The following HDAC9 variants were observed in gnomAD, a reference collection of about 807,000 sequenced individuals.
HDAC9 encodes the protein MEF-2 interacting transcription repressor (MITR) protein.
HDAC9 carries 41 observed loss-of-function variants against 139.4 expected under a neutral mutation model. The observed-to-expected ratio is 0.29, with a 90% CI of 0.23 to 0.38. HDAC9 has a LOEUF of 0.38. Ranked by LOEUF, HDAC9 falls within the 10% of genes least tolerant of loss-of-function variation. The pLI is 1.00. For synonymous variants in HDAC9, 517 were observed against 476.2 expected (o/e 1.09, Z -1.12); for missense variants, 1,147 against 1,297.0 (o/e 0.88, Z 1.78).
chr7:18,667,699 GA>G (rs1177630181), intron 12 of HDAC9: 2 of 984,630 alleles, frequency 2.0e-6, no homozygotes, highest in Non-Finnish European at 2.4e-6. Flanking sequence ...AGGAATGTAG[GA>G]AAAAAAATCT....
At chr7:18,760,081 G>T (rs187182668) in intron 14 of HDAC9, among the ~76,000 whole-genome samples, 1 of 152,146 alleles carries the variant, frequency 6.6e-6, no homozygotes, top group Non-Finnish European at 1.5e-5. Context: ...ATGTTTCACT[G>T]TATCAGCATA....
chr7:18,193,326 T>G (rs1790490238), intron 2 of HDAC9, among the ~76,000 whole-genome samples: 1 of 152,204 alleles, frequency 6.6e-6, no homozygotes, highest in South Asian at 2.1e-4. Context: ...TACCATTTGT[T>G]TCAGTTCAGT....
At chr7:18,339,815 T>C (rs1042911080) in intron 1 of HDAC9, among the ~76,000 whole-genome samples, 1 of 151,510 alleles carries the variant, frequency 6.6e-6, no homozygotes, top group Non-Finnish European at 1.5e-5. Context: ...ATGTGGTCTA[T>C]AAGACCACAT....
At chr7:18,214,581 A>C (rs1328995807) in intron 2 of HDAC9, among the ~76,000 whole-genome samples, 1 of 152,118 alleles carries the variant, frequency 6.6e-6, no homozygotes, top group African/African-American at 2.4e-5. Flanking sequence ...TAAGAATTAC[A>C]CTGATGGGTA....
chr7:18,677,564 G>T (rs10245010), intron 12 of HDAC9, among the ~76,000 whole-genome samples: 3,343 of 151,914 alleles, frequency 0.022, 140 homozygotes, highest in African/African-American at 0.076. Context: ...CAAATTATTT[G>T]TAATTAATTA....
chr7:18,634,808 G>T, intron 8 of HDAC9, 66 bp downstream of exon 8: 1 of 981,342 alleles, frequency 1.0e-6, no homozygotes, highest in Non-Finnish European at 1.6e-6. Flanking sequence ...AATACAAAGT[G>T]ATATTTCTGA....
intron 16 of HDAC9, among the ~76,000 whole-genome samples, chr7:18,781,998 G>A (rs1042675183): frequency 3.9e-5 from 6 of 152,072 alleles, no homozygotes; most frequent in African/African-American, 1.4e-4. Context: ...AAATGGCACA[G>A]AATCAATACT....
At chr7:18,578,298 G>A (rs571739754) in intron 2 of HDAC9, 9 of 505,546 alleles carry the variant, frequency 1.8e-5, no homozygotes, top group African/African-American at 3.9e-5. Context: ...CCTGCTATTC[G>A]TAACGACCCC....
chr7:18,637,473 T>C (rs1784265793), intron 8 of HDAC9, among the ~76,000 whole-genome samples: 2 of 152,068 alleles, frequency 1.3e-5, no homozygotes, highest in East Asian at 1.9e-4. Context: ...GTTGAACATA[T>C]TCTCTCACTG....
chr7:18,171,573 G>A (rs148535688), intron 2 of HDAC9, among the ~76,000 whole-genome samples: 6,931 of 152,230 alleles, frequency 0.046, 177 homozygotes, highest in Non-Finnish European at 0.058. Context: ...TATGATATTG[G>A]CTGTGGGTTT....
intron 17 of HDAC9, among the ~76,000 whole-genome samples, chr7:18,824,085 A>AAGAAGAAGAAGAAGG (rs1795223116): frequency 6.8e-6 from 1 of 148,018 alleles, no homozygotes; most frequent in Non-Finnish European, 1.5e-5. Context: ...GAAGAAGAAG[A>AAGAAGAAGAAGAAGG]AGAACAAGAA....
At chr7:18,961,101 G>A (rs555905838) in intron 24 of HDAC9, among the ~76,000 whole-genome samples, 86 of 151,476 alleles carry the variant, frequency 5.7e-4, no homozygotes, top group Non-Finnish European at 8.8e-4. Context: ...CCTTTTTTTC[G>A]TATGTCTCTT....
chr7:18,976,030 T>C (rs576826939), intron 25 of HDAC9, 77 bp downstream of exon 25: 1 of 1,463,100 alleles, frequency 6.8e-7, no homozygotes, highest in South Asian at 1.3e-5. Flanking sequence ...ATCTTCCTCC[T>C]GGCTTTCCTT....
At chr7:18,825,191 G>A (rs1487950278) in intron 17 of HDAC9, among the ~76,000 whole-genome samples, 1 of 152,230 alleles carries the variant, frequency 6.6e-6, no homozygotes, top group African/African-American at 2.4e-5. Flanking sequence ...ATAGAAATCT[G>A]TGAAGTGTAT....
At chr7:18,640,075 A>G (rs1192126036) in intron 8 of HDAC9, among the ~76,000 whole-genome samples, 4 of 152,012 alleles carry the variant, frequency 2.6e-5, no homozygotes, top group Non-Finnish European at 5.9e-5. Context: ...AAAATTCTAT[A>G]TCCACATTTC....
At chr7:18,801,938 G>A (rs1352865311) in intron 17 of HDAC9, among the ~76,000 whole-genome samples, 2 of 151,670 alleles carry the variant, frequency 1.3e-5, no homozygotes, top group Non-Finnish European at 2.9e-5. Context: ...TTATCATACC[G>A]CTTATTTTTC....
intron 2 of HDAC9, among the ~76,000 whole-genome samples, chr7:18,209,510 C>A (rs1003358734): frequency 6.6e-6 from 1 of 152,048 alleles, no homozygotes; most frequent in African/African-American, 2.4e-5. Flanking sequence ...GAACTGTGAT[C>A]TTTTATGAAA....
chr7:18,308,676 T>G (rs1392850976), intron 1 of HDAC9, among the ~76,000 whole-genome samples: 1 of 152,204 alleles, frequency 6.6e-6, no homozygotes, highest in Non-Finnish European at 1.5e-5. Context: ...AAGTGGAAAC[T>G]ATATTAAGCA....
intron 1 of HDAC9, among the ~76,000 whole-genome samples, chr7:18,481,030 G>T (rs1795506980): frequency 6.6e-6 from 1 of 152,100 alleles, no homozygotes; most frequent in African/African-American, 2.4e-5. Flanking sequence ...AGTTCTCCCA[G>T]CAGTGCCTCA....
Sources: gnomAD v4.1 joint callset for allele counts (sites outside exome capture counted in the v4.1 genomes callset) on GRCh38, gnomAD v4.1.1 for gene constraint, MANE v1.5 for transcripts, NCBI Gene and HGNC (gene_info 2026-07-23, HGNC 2026-07-21) for gene names.